The following KIF27 variants were observed in gnomAD, a reference collection of about 807,000 sequenced individuals.
KIF27 encodes kinesin family member 27.
KIF27 carries 84 observed loss-of-function variants against 141.8 expected under a neutral mutation model. That is an observed-to-expected ratio of 0.59 (90% CI 0.50 to 0.71). The LOEUF (loss-of-function observed/expected upper bound fraction) is 0.71. Among genes scored for constraint, KIF27 ranks in the 30% least tolerant of loss-of-function variants. KIF27 has a pLI of 0.00. For missense variants in KIF27, 1,306 were observed against 1,628.4 expected (o/e 0.80, Z 3.41); for synonymous variants, 471 against 569.5 (o/e 0.83, Z 2.46).
rs143065355 is a variant in KIF27, at chr9:83,854,067, C to T, written c.3151-232G>A. Among the ~76,000 whole-genome samples the T allele has an allele frequency of 7.9e-4, 121 of 152,234 alleles. 1 individual carries two copies. The highest frequency in any genetic ancestry group is 2.6e-3 in the African/African-American group (110 of 41,544). On this transcript the variant is annotated intron_variant, in intron 14 of 17. Coordinates refer to ENST00000297814, the MANE Select transcript of KIF27 (RefSeq NM_017576.4). ...CAACATATTAACATAATCATTAAGC[C>T]GTCACAATAAACCTGATGGAGTAAA...
rs71502726 is a variant in KIF27 at position 83,850,164 on chromosome 9, C to T, written c.3491G>A (p.Arg1164Gln). Reference protein sequence around the residue: ...ALDHLKLQCDRRLTLQQKEHE... With the variant: ...ALDHLKLQCDQRLTLQQKEHE... ...TTCCTTTTGCTGGAGGGTCAGTCTC[C>T]GGTCACACTGCAATTTTAGATGGTC... Residue 1164 changes from arginine to glutamine, a missense_variant, in exon 16 of 18, where the codon CGG (arginine) becomes CAG (glutamine). This residue lies in a region of KIF27 where 596 missense variants were observed against 751.6 expected (regional missense o/e 0.79). Transcript: ENST00000297814. 0.015 allele frequency: 24,092 copies of T among 1,613,670 alleles called. 236 individuals are homozygous for T. The highest frequency in any genetic ancestry group is 0.019 in the Non-Finnish European group (22,432 of 1,179,648).
At chr9:83,884,264 G>C (rs116478439) in intron 9 of KIF27, among the ~76,000 whole-genome samples, 1 of 151,980 alleles carries the variant, frequency 6.6e-6, no homozygotes, top group Non-Finnish European at 1.5e-5. Flanking sequence ...AATGTTTGGC[G>C]TTTTAGAGTG....
intron 15 of KIF27, 114 bp from the exon 16 acceptor site, chr9:83,850,411 T>C: frequency 1.5e-6 from 1 of 675,602 alleles, no homozygotes; most frequent in Non-Finnish European, 2.6e-6. Flanking sequence ...GTGTAAATGA[T>C]TCCTGCCAGG....
chr9:83,839,282 G>A (rs1266781874), intron 17 of KIF27, among the ~76,000 whole-genome samples: 2 of 152,134 alleles, frequency 1.3e-5, no homozygotes, highest in East Asian at 3.8e-4. Context: ...AAGCCCACTT[G>A]GATTCTTCAC....
chr9:83,847,526 G>T (rs1327628180), intron 16 of KIF27: 2 of 152,144 alleles, frequency 1.3e-5, no homozygotes, highest in Non-Finnish European at 2.9e-5. Flanking sequence ...GATCTCAGGA[G>T]ATGTGTATGA....
At chr9:83,867,642 G>C in intron 13 of KIF27, 42 bp downstream of exon 13, 1 of 1,537,034 alleles carries the variant, frequency 6.5e-7, no homozygotes, top group Non-Finnish European at 8.7e-7. Flanking sequence ...GGAGTAGGGA[G>C]TGGTTTACAA....
intron 1 of KIF27, among the ~76,000 whole-genome samples, chr9:83,921,105 G>A (rs1956228559): frequency 2.6e-5 from 4 of 152,150 alleles, no homozygotes; most frequent in African/African-American, 9.6e-5. Flanking sequence ...AACTTCCTCC[G>A]GAAGGGGCGC....
intron 5 of KIF27, 38 bp downstream of exon 5, chr9:83,899,623 C>T (rs1563980470): frequency 1.3e-6 from 2 of 1,558,728 alleles, no homozygotes; most frequent in African/African-American, 2.7e-5. Flanking sequence ...GGTACTATTT[C>T]AAGAAAATCT....
chr9:83,883,941 C>CT lies in KIF27; in HGVS notation c.2316dup (p.Val773SerfsTer5). 1 of 1,613,758 alleles carries CT rather than the reference C, an allele frequency of 6.2e-7. No individual in the cohort carries two copies. Reference sequence around the variant, plus strand: ...TGCTTTTGTGTTTCAATCAGTTCGACTTTTGCCTGTTCTGCATCATGCTCT... The same window carrying CT: ...TGCTTTTGTGTTTCAATCAGTTCGACTTTTTGCCTGTTCTGCATCATGCTCT... On this transcript the variant is annotated frameshift_variant, in exon 10 of 18. Transcript: ENST00000297814. LOFTEE classifies it high-confidence loss of function.
intron 15 of KIF27, among the ~76,000 whole-genome samples, chr9:83,852,437 A>T (rs1442208551): frequency 6.7e-6 from 1 of 149,868 alleles, no homozygotes; most frequent in Admixed American, 6.6e-5. Context: ...TGGGCGACAG[A>T]GCGAGACTCT....
intron 4 of KIF27, 82 bp downstream of exon 4, chr9:83,902,978 T>A: frequency 1.2e-6 from 1 of 801,034 alleles, no homozygotes; most frequent in Admixed American, 2.9e-5. Flanking sequence ...CTAAATATGT[T>A]AACACATGTA....
intron 14 of KIF27, chr9:83,858,626 C>A (rs996496643): frequency 2.5e-4 from 38 of 152,774 alleles, no homozygotes; most frequent in Non-Finnish European, 3.5e-4. Context: ...TTTAAAAAAA[C>A]TGTATAACTA....
intron 10 of KIF27, among the ~76,000 whole-genome samples, chr9:83,881,839 T>C (rs1951702398): frequency 6.6e-6 from 1 of 152,206 alleles, no homozygotes; most frequent in South Asian, 2.1e-4. Flanking sequence ...ATCCTGAAAG[T>C]CTTACTTAAG....
Position 83,903,511 on chromosome 9 carries a change from T to C in KIF27, c.1007A>G (p.Asn336Ser), listed in dbSNP as rs767312772. Residue 336 changes from asparagine (N) to serine (S), a missense_variant, in exon 4 of 18, where the codon AAC becomes AGC. Asn to Ser is a conservative substitution (Grantham distance 46). Coordinates refer to ENST00000297814, the MANE Select transcript of KIF27 (RefSeq NM_017576.4). Reference sequence around the variant, plus strand: ...TTTGTTTCTAATGTTCCGTGCTCTGTTGGCATATTTGAGAGAATTTAAGGA... The same window carrying C: ...TTTGTTTCTAATGTTCCGTGCTCTGCTGGCATATTTGAGAGAATTTAAGGA... ...DESLNSLKYA[N>S]RARNIRNKPT... is the part of the protein sequence containing the mutation. The C allele has an allele frequency of 1.2e-5, 20 of 1,614,036 alleles. No homozygotes were observed. The highest frequency in any genetic ancestry group is 1.7e-5 in the Admixed American group (1 of 60,002).
chr9:83,917,935 T>A (rs897457722), intron 1 of KIF27, among the ~76,000 whole-genome samples: 2 of 152,108 alleles, frequency 1.3e-5, no homozygotes, highest in Non-Finnish European at 2.9e-5. Flanking sequence ...AAATACCAAT[T>A]TGAACATTAT....
chr9:83,856,043 C>T (rs1207318603), intron 14 of KIF27, among the ~76,000 whole-genome samples: 2 of 152,190 alleles, frequency 1.3e-5, no homozygotes, highest in African/African-American at 2.4e-5. Flanking sequence ...AGTAACTATC[C>T]TGGGATGAAA....
intron 14 of KIF27, among the ~76,000 whole-genome samples, chr9:83,857,448 T>C (rs1487464656): frequency 6.6e-6 from 1 of 152,072 alleles, no homozygotes; most frequent in Non-Finnish European, 1.5e-5. Flanking sequence ...GCATAGAAGC[T>C]CATGTGAGTA....
intron 1 of KIF27, among the ~76,000 whole-genome samples, chr9:83,920,522 C>A (rs1029149228): frequency 7.9e-5 from 12 of 152,140 alleles, no homozygotes; most frequent in Admixed American, 2.6e-4. Flanking sequence ...CCGTTGCCAT[C>A]CCGTACCCTT....
chr9:83,837,425 A>C lies in KIF27; in HGVS notation c.3782T>G (p.Leu1261Ter), dbSNP rs753745000. The C allele has an allele frequency of 1.9e-6, 3 of 1,613,160 alleles. No homozygotes were observed. The highest frequency in any genetic ancestry group is 2.5e-6 in the Non-Finnish European group (3 of 1,179,612). Residue 1261 changes from leucine to a stop codon, truncating the protein, a stop_gained, in exon 18 of 18, where the codon TTA becomes TGA. Coordinates refer to ENST00000297814, the MANE Select transcript of KIF27 (RefSeq NM_017576.4). LOFTEE classifies it low-confidence loss of function (END_TRUNC). ...ACTTTCAGGTCTGGATGCCCATTTT[A>C]ATTCTTCTGAAAGCATGCCTCCTCC... ...PEGGGMLSEE[L>*]KWASRPESMK...
Sources: gnomAD v4.1 joint callset for allele counts (sites outside exome capture counted in the v4.1 genomes callset) on GRCh38, gnomAD v4.1.1 for gene constraint, gnomAD v4.1.1 regional missense constraint, MANE v1.5 for transcripts, NCBI Gene and HGNC (gene_info 2026-07-23, HGNC 2026-07-21) for gene names.